Variants in UNC13A observed in about 807,000 individuals in gnomAD.
UNC13A encodes the protein unc-13 homolog A.
A neutral mutation model predicts 219.7 loss-of-function variants in UNC13A; 61 were observed. That is an observed-to-expected ratio of 0.28 (90% CI 0.23 to 0.34). The LOEUF (loss-of-function observed/expected upper bound fraction) is 0.34, where lower values mean the gene tolerates loss of function less well. Ranked by LOEUF, UNC13A falls within the 10% of genes least tolerant of loss-of-function variation. The pLI is 1.00. For missense variants in UNC13A, 1,476 were observed against 2,270.3 expected (o/e 0.65, Z 7.11); for synonymous variants, 920 against 884.6 (o/e 1.04, Z -0.71).
At chr19:17,667,435 C>G (rs2079677657) in intron 6 of UNC13A, among the ~76,000 whole-genome samples, 1 of 152,024 alleles carries the variant, frequency 6.6e-6, no homozygotes. Flanking sequence ...GCACATGTAT[C>G]CGCCAAATGA....
chr19:17,624,682 A>C, intron 35 of UNC13A, 147 bp downstream of exon 35: 1 of 1,221,510 alleles, frequency 8.2e-7, no homozygotes, highest in Non-Finnish European at 1.1e-6. Context: ...GGTGGCTTCC[A>C]TGACCCTTGA....
At chr19:17,634,486 G>A (rs1405191588) in intron 26 of UNC13A, among the ~76,000 whole-genome samples, 2 of 151,790 alleles carry the variant, frequency 1.3e-5, no homozygotes, top group Non-Finnish European at 2.9e-5. Flanking sequence ...TTACAGGCGC[G>A]AGCCACTATG....
intron 12 of UNC13A, among the ~76,000 whole-genome samples, chr19:17,651,354 G>A (rs2079344213): frequency 6.6e-6 from 1 of 152,084 alleles, no homozygotes; most frequent in African/African-American, 2.4e-5. Flanking sequence ...CTCCCAAATA[G>A]CTGGGATTAC....
At chr19:17,653,072 G>A (rs907570544) in intron 11 of UNC13A, among the ~76,000 whole-genome samples, 1 of 152,024 alleles carries the variant, frequency 6.6e-6, no homozygotes, top group Non-Finnish European at 1.5e-5. Context: ...GCATAGACGT[G>A]GGGTCCACAG....
chr19:17,679,995 A>G (rs936381003), intron 1 of UNC13A, among the ~76,000 whole-genome samples: 5 of 152,104 alleles, frequency 3.3e-5, no homozygotes, highest in African/African-American at 9.6e-5. Flanking sequence ...GTCCAGGTTG[A>G]GGACATCCAT....
chr19:17,666,827 A>G (rs1599399565), intron 6 of UNC13A, 123 bp from the exon 7 acceptor site: 3 of 525,048 alleles, frequency 5.7e-6, no homozygotes, highest in Non-Finnish European at 9.2e-6. Flanking sequence ...CTCCCTCTCT[A>G]TGAGAAGGAT....
chr19:17,643,843 C>T (rs1045039034), intron 19 of UNC13A, among the ~76,000 whole-genome samples: 11 of 148,834 alleles, frequency 7.4e-5, no homozygotes, highest in Non-Finnish European at 1.5e-5. Flanking sequence ...GGCCCTGCCT[C>T]CCCCATCAGA....
rs73026313 is a variant in UNC13A, at chr19:17,604,169, C to A, written c.*1885G>T. ...AGAATCCATTTCAGTGTCCCCAAAG[C>A]ACCTCCACCTCTCCTCACTGGTTTT... On this transcript the variant is annotated 3_prime_UTR_variant, in exon 44 of 44. Coordinates refer to ENST00000519716, the MANE Select transcript of UNC13A (RefSeq NM_001080421.3). The A allele has an allele frequency of 0.16, 24,981 of 152,128 alleles. 2,606 individuals carry two copies. The highest frequency in any genetic ancestry group is 0.24 in the Non-Finnish European group (16,461 of 67,976). The allele number at this position is 152,128 out of a possible 1,614,324, so 9.4% of individuals were successfully genotyped here.
intron 35 of UNC13A, 96 bp from the exon 36 acceptor site, chr19:17,623,643 C>T (rs1179126611): frequency 2.0e-5 from 12 of 606,132 alleles, no homozygotes; most frequent in Non-Finnish European, 2.9e-5. Flanking sequence ...GATGGCAGCA[C>T]GGAGGGGCAA....
At chr19:17,638,254 C>T (rs565168184) in intron 25 of UNC13A, among the ~76,000 whole-genome samples, 4 of 152,166 alleles carry the variant, frequency 2.6e-5, no homozygotes, top group South Asian at 2.1e-4. Flanking sequence ...GCAGGAGGAT[C>T]GCTTGAGCCC....
chr19:17,683,177 G>C (rs1396431307), intron 1 of UNC13A, among the ~76,000 whole-genome samples: 2 of 152,136 alleles, frequency 1.3e-5, no homozygotes, highest in African/African-American at 2.4e-5. Flanking sequence ...TCAAACTTCT[G>C]CCAACCCCAG....
At chr19:17,608,363 ATATAT>A (rs1032118771) in intron 43 of UNC13A, among the ~76,000 whole-genome samples, 10 of 117,472 alleles carry the variant, frequency 8.5e-5, no homozygotes, top group African/African-American at 3.5e-4. Context: ...TAATATAAAT[ATATAT>A]TATATATGTA....
rs1252515312 is a variant in UNC13A at position 17,668,097 on chromosome 19, C to G, written c.468+20G>C. ...GACAGAAACAAGGAAGAAACAGTCC[C>G]CTCCCACCCCAACACTCACTTCATC... is the stretch of plus-strand genomic sequence containing the variant. On this transcript the variant is annotated intron_variant, in intron 6 of 43. Transcript: ENST00000519716. 1.9e-6 allele frequency: 3 copies of G among 1,611,938 alleles called. No individual in the cohort carries two copies.
chr19:17,642,984 G>T (rs767353073), intron 19 of UNC13A, 24 bp from the exon 20 acceptor site: 1 of 1,576,706 alleles, frequency 6.3e-7, no homozygotes, highest in Non-Finnish European at 8.6e-7. Context: ...AAAGAAGACA[G>T]TGTCAGAACT....
chr19:17,617,576 T>A lies in UNC13A; in HGVS notation c.4558+126A>T, dbSNP rs2076680078. The A allele has an allele frequency of 3.6e-6, 5 of 1,385,890 alleles. No homozygotes were observed. The East Asian group carries it at 1.2e-4, about 32-fold the overall frequency. The allele number at this position is 1,385,890 out of a possible 1,614,324, so 85.8% of individuals were successfully genotyped here. A position where few individuals can be genotyped will look rare whatever the true frequency, so the allele number is the denominator to read the frequency against. ...ATCGCTCATTGGTCCCTGGACTTGGTGCAGAGATGTCAATTCCGCCCCATC... is the reference window on the plus strand; with the variant it reads ...ATCGCTCATTGGTCCCTGGACTTGGAGCAGAGATGTCAATTCCGCCCCATC... On this transcript the variant is annotated intron_variant, in intron 41 of 43. Coordinates refer to ENST00000519716, the MANE Select transcript of UNC13A (RefSeq NM_001080421.3).
intron 35 of UNC13A, 101 bp downstream of exon 35, chr19:17,624,728 G>T: frequency 6.9e-7 from 1 of 1,454,784 alleles, no homozygotes; most frequent in Non-Finnish European, 9.1e-7. Flanking sequence ...TCTGAGACCG[G>T]ATGCCTTTGT....
rs2076751818 is a variant in UNC13A at position 17,623,559 on chromosome 19, G to C, written c.4198-12C>G. 1.7e-6 allele frequency: 2 copies of C among 1,210,444 alleles called. No individual in the cohort carries two copies. Among genetic ancestry groups the C allele is most frequent in the Non-Finnish European group, 2.2e-6 (2 of 891,052 alleles). The allele number at this position is 1,210,444 out of a possible 1,614,324, so 75.0% of individuals were successfully genotyped here. ...CTACTTACGATCATCTGTCATCCGTGATGGGGGCGGGGCGGTGGGGGAGGG... is the reference window on the plus strand; with the variant it reads ...CTACTTACGATCATCTGTCATCCGTCATGGGGGCGGGGCGGTGGGGGAGGG... On this transcript the variant is annotated splice_polypyrimidine_tract_variant and intron_variant, in intron 35 of 43. Coordinates refer to ENST00000519716, the MANE Select transcript of UNC13A (RefSeq NM_001080421.3).
chr19:17,663,477 A>G, intron 8 of UNC13A, 55 bp downstream of exon 8: 1 of 1,599,886 alleles, frequency 6.3e-7, no homozygotes, highest in East Asian at 2.2e-5. Context: ...TGGGATCACC[A>G]AGGTGCCCAC....
rs540509803 is a variant in UNC13A at position 17,675,468 on chromosome 19, C to G, written c.52+544G>C. ...CCAACATGGCGAAACCCCATCTCTACTAAAAATAAAAAAATTAGCCGGGCG... is the reference window on the plus strand; with the variant it reads ...CCAACATGGCGAAACCCCATCTCTAGTAAAAATAAAAAAATTAGCCGGGCG... On this transcript the variant is annotated intron_variant, in intron 2 of 43. Transcript: ENST00000519716. 2.6e-5 allele frequency among the ~76,000 whole-genome samples: 4 copies of G among 151,340 alleles called. No homozygotes were observed. The East Asian group carries it at 7.8e-4, about 30-fold the overall frequency.
Sources: allele counts gnomAD v4.1 joint callset (sites outside exome capture counted in the v4.1 genomes callset), GRCh38; gene constraint gnomAD v4.1.1; transcripts MANE v1.5; gene names NCBI Gene and HGNC (gene_info 2026-07-23, HGNC 2026-07-21).